Variants in SLC4A7 observed in about 807,000 individuals in gnomAD.
SLC4A7 encodes solute carrier family 4 member 7.
In SLC4A7, 51 loss-of-function variants were observed where a neutral mutation model predicts 137.6. The ratio of observed to expected loss-of-function variants is 0.37; its 90% CI spans 0.30 to 0.47. The LOEUF (loss-of-function observed/expected upper bound fraction) is 0.47. Ranked by LOEUF, SLC4A7 falls within the 20% of genes least tolerant of loss-of-function variation. The pLI is 1.00. For missense variants in SLC4A7, 1,247 were observed against 1,525.4 expected (o/e 0.82, Z 3.04); for synonymous variants, 542 against 518.6 (o/e 1.05, Z -0.61).
chr3:27,411,693 G>A lies in SLC4A7; in HGVS notation c.1715C>T (p.Thr572Ile), dbSNP rs750370741. The A allele has an allele frequency of 9.6e-6, 15 of 1,562,632 alleles. No individual in the cohort carries two copies. Among genetic ancestry groups the A allele is most frequent in the Non-Finnish European group, 1.3e-5 (15 of 1,151,224 alleles). Residue 572 changes from threonine to isoleucine, a missense_variant, in exon 12 of 26, where the codon ACT (threonine) becomes ATT (isoleucine). Coordinates refer to ENST00000454389, the MANE Select transcript of SLC4A7 (RefSeq NM_001321103.2). The part of the protein sequence containing the change: ...HNGSTPTLGE[T>I]PKEAAHHAGP... The stretch of plus-strand genomic sequence containing the variant: ...AGCATGATGAGCGGCCTCTTTAGGA[G>A]TCTCACCCAGTGTGGGGGTAGATCC...
chr3:27,474,959 A>T (rs1218576385), intron 1 of SLC4A7, among the ~76,000 whole-genome samples: 1 of 151,924 alleles, frequency 6.6e-6, no homozygotes, highest in African/African-American at 2.4e-5. Flanking sequence ...AACACAAAAA[A>T]ATTAGCCAGG....
chr3:27,482,900 A>G (rs1576716332), intron 1 of SLC4A7, among the ~76,000 whole-genome samples: 1 of 152,212 alleles, frequency 6.6e-6, no homozygotes, highest in African/African-American at 2.4e-5. Context: ...GTTTTCTTCT[A>G]TGTTAGAGAA....
At position 27,454,393 on chromosome 3, in the gene SLC4A7, G is replaced by A. The variant is rs550059245; in HGVS notation, c.61-1895C>T. Among the ~76,000 whole-genome samples the A allele has an allele frequency of 1.1e-3, 171 of 152,300 alleles. 2 individuals are homozygous for A. Among genetic ancestry groups the A allele is most frequent in the East Asian group, 6.8e-3 (35 of 5,176 alleles). On this transcript the variant is annotated intron_variant, in intron 1 of 25. Coordinates refer to ENST00000454389, the MANE Select transcript of SLC4A7 (RefSeq NM_001321103.2). ...AGGCAGCAGAATCGCTTGAACCCAG[G>A]AGGCAGAGGTTGCAGTGAGCCGAGA...
chr3:27,380,314 T>TA (rs60223718), intron 24 of SLC4A7, among the ~76,000 whole-genome samples: 13 of 136,356 alleles, frequency 9.5e-5, no homozygotes, highest in African/African-American at 2.8e-4. Flanking sequence ...CTCCAGAATT[T>TA]AAAAAAAAAA....
chr3:27,438,560 CATAACATAAAATAACAAA>C (rs1414067933), intron 3 of SLC4A7, among the ~76,000 whole-genome samples: 1 of 150,876 alleles, frequency 6.6e-6, no homozygotes, highest in Non-Finnish European at 1.5e-5. Context: ...AATAACATAA[CATAACATAAAATAACAAA>C]ATAACATAAA....
intron 2 of SLC4A7, 145 bp from the exon 3 acceptor site, chr3:27,448,942 T>G: frequency 2.0e-6 from 1 of 509,800 alleles, no homozygotes; most frequent in Non-Finnish European, 3.3e-6. Context: ...TCTTATTTTA[T>G]AAAGCACTAC....
At chr3:27,396,069 C>CATAT (rs1447235320) in intron 18 of SLC4A7, among the ~76,000 whole-genome samples, 1 of 152,110 alleles carries the variant, frequency 6.6e-6, no homozygotes, top group Non-Finnish European at 1.5e-5. Context: ...GAGAATACTG[C>CATAT]ATATATAGAA....
chr3:27,436,485 T>G lies in SLC4A7; in HGVS notation c.492A>C (p.Ala164=). 6.2e-7 allele frequency: 1 copy of G among 1,613,648 alleles called. No homozygotes were observed. Among genetic ancestry groups the G allele is most frequent in the Admixed American group, 1.7e-5 (1 of 60,020 alleles). The change falls in exon 5 of 26, where the codon GCA becomes GCC. Residue 164 remains alanine (A), a synonymous_variant. Transcript: ENST00000454389. ...CAAAAAGACTGTGCAAAGAGAGAGT[T>G]GCCACATAAGGTTTACTCCATCGGT... The part of the protein sequence containing the change: ...GGDRWSKPYV[A]TLSLHSLFEL...
chr3:27,425,939 T>C (rs2055564451), intron 7 of SLC4A7, among the ~76,000 whole-genome samples: 1 of 152,164 alleles, frequency 6.6e-6, no homozygotes. Context: ...ACATGGAAGT[T>C]CAGTTAAAAT....
At chr3:27,418,750 T>C (rs2054636857) in intron 10 of SLC4A7, 118 bp from the exon 11 acceptor site, 1 of 626,264 alleles carries the variant, frequency 1.6e-6, no homozygotes, top group Non-Finnish European at 2.7e-6. Context: ...TAAACTCTTA[T>C]CTCAGGCAGG....
intron 1 of SLC4A7, chr3:27,456,551 A>C: frequency 1.2e-6 from 1 of 832,752 alleles, no homozygotes; most frequent in South Asian, 1.4e-5. Context: ...TACTATTCTA[A>C]GCCAGTGCTA....
chr3:27,477,676 C>T (rs941493410), intron 1 of SLC4A7, among the ~76,000 whole-genome samples: 3 of 152,162 alleles, frequency 2.0e-5, no homozygotes, highest in South Asian at 4.1e-4. Flanking sequence ...GCGATCTTGG[C>T]TCACTGCAAC....
chr3:27,383,083 A>C, intron 24 of SLC4A7, 70 bp downstream of exon 24: 5 of 880,122 alleles, frequency 5.7e-6, no homozygotes, highest in Non-Finnish European at 9.4e-6. Context: ...CACTTTAAAG[A>C]AGCATTATAT....
intron 22 of SLC4A7, among the ~76,000 whole-genome samples, chr3:27,389,719 TA>T (rs1319799165): frequency 6.6e-6 from 1 of 152,110 alleles, no homozygotes; most frequent in Non-Finnish European, 1.5e-5. Flanking sequence ...GCCTAAGGAC[TA>T]AAAAGCAAAA....
chr3:27,440,939 G>T (rs2057141822), intron 3 of SLC4A7, among the ~76,000 whole-genome samples: 1 of 151,992 alleles, frequency 6.6e-6, no homozygotes, highest in Non-Finnish European at 1.5e-5. Flanking sequence ...TAGCTACTTG[G>T]GAGGCTGAGG....
intron 16 of SLC4A7, among the ~76,000 whole-genome samples, chr3:27,398,662 T>C (rs1163391532): frequency 1.3e-5 from 2 of 152,194 alleles, no homozygotes; most frequent in Non-Finnish European, 2.9e-5. Context: ...GAAAGCCTTG[T>C]AGTGAGTATT....
intron 5 of SLC4A7, among the ~76,000 whole-genome samples, chr3:27,434,511 A>C (rs1467806446): frequency 2.0e-5 from 3 of 152,212 alleles, no homozygotes; most frequent in Admixed American, 1.3e-4. Flanking sequence ...CTCAGTCATT[A>C]ACTATTCACT....
In SLC4A7 at chr3:27,376,667, T is replaced by C; in HGVS notation, c.*97A>G. The C allele has an allele frequency of 1.3e-6, 1 of 743,114 alleles. No homozygotes were observed. Among genetic ancestry groups the C allele is most frequent in the Non-Finnish European group, 2.2e-6 (1 of 444,534 alleles). The allele number at this position is 743,114 out of a possible 1,614,324, so 46.0% of individuals were successfully genotyped here. On this transcript the variant is annotated 3_prime_UTR_variant, in exon 26 of 26. Transcript: ENST00000454389. ...CTTTTAAAAACCCGGTAGTCACACA[T>C]AAACAGCATGACATACAATATTCTT... is the stretch of plus-strand genomic sequence containing the variant.
intron 3 of SLC4A7, among the ~76,000 whole-genome samples, chr3:27,438,989 A>G (rs1338884042): frequency 2.6e-5 from 4 of 152,226 alleles, no homozygotes; most frequent in Admixed American, 6.5e-5. Flanking sequence ...ATGAATTAGC[A>G]TAAATACTAG....
Sources: allele counts gnomAD v4.1 joint callset (sites outside exome capture counted in the v4.1 genomes callset), GRCh38; gene constraint gnomAD v4.1.1; transcripts MANE v1.5; gene names NCBI Gene and HGNC (gene_info 2026-07-23, HGNC 2026-07-21).